The following GABRA3 variants were observed in gnomAD, a reference collection of about 807,000 sequenced individuals.
GABRA3 encodes the protein gamma-aminobutyric acid receptor subunit alpha-3.
GABRA3 carries 10 observed loss-of-function variants against 30.1 expected under a neutral mutation model. That is an observed-to-expected ratio of 0.33 (90% CI 0.20 to 0.56). GABRA3 has a LOEUF of 0.56. GABRA3 is among the 20% of genes least tolerant of loss of function. The pLI, the probability that GABRA3 is intolerant of heterozygous loss-of-function variation, is 0.89. For missense variants in GABRA3, 233 were observed against 392.0 expected (o/e 0.59, Z 3.42); for synonymous variants, 151 against 146.8 (o/e 1.03, Z -0.21).
chrX:152,241,575 T>A (rs1938372794), intron 5 of GABRA3, among the ~76,000 whole-genome samples: 1 of 109,393 alleles, frequency 9.1e-6, no homozygotes, highest in Admixed American at 9.6e-5. Context: ...TAAGCAAGCC[T>A]GGGCAATGGC....
intron 4 of GABRA3, among the ~76,000 whole-genome samples, chrX:152,276,736 G>A (rs750952872): frequency 9.9e-5 from 11 of 111,493 alleles, no homozygotes; most frequent in South Asian, 3.7e-4. Flanking sequence ...TTTTTAATAC[G>A]TGGTAAAAAA....
At chrX:152,444,732 G>GGTTTTTTTTTTTTT (rs1931019495) in intron 1 of GABRA3, among the ~76,000 whole-genome samples, 2 of 23,231 alleles carry the variant, frequency 8.6e-5, no homozygotes, top group Non-Finnish European at 1.5e-4. Context: ...TAATACTTGT[G>GGTTTTTTTTTTTTT]TGTTTTTTTT....
chrX:152,222,769 G>A (rs756148071), intron 6 of GABRA3, among the ~76,000 whole-genome samples: 6 of 110,087 alleles, frequency 5.5e-5, no homozygotes, highest in Non-Finnish European at 1.1e-4. Flanking sequence ...GACTTGTGCT[G>A]GGTTATAGTT....
chrX:152,241,391 A>G (rs1938366088), intron 5 of GABRA3, among the ~76,000 whole-genome samples: 2 of 101,968 alleles, frequency 2.0e-5, no homozygotes, highest in Non-Finnish European at 4.2e-5. Context: ...TGCTGGGAGA[A>G]CCACTGCTCT....
intron 8 of GABRA3, among the ~76,000 whole-genome samples, chrX:152,196,431 AAAGG>A (rs371088098): frequency 1.6e-4 from 17 of 108,698 alleles, no homozygotes; most frequent in Admixed American, 3.0e-4. Flanking sequence ...AGAAAGAAAG[AAAGG>A]AAGGAAGGAA....
intron 6 of GABRA3, among the ~76,000 whole-genome samples, chrX:152,221,153 C>T (rs1020287420): frequency 9.0e-6 from 1 of 111,257 alleles, no homozygotes; most frequent in Non-Finnish European, 1.9e-5. Context: ...TAGTCTATGT[C>T]CTGTGTAAGC....
intron 4 of GABRA3, among the ~76,000 whole-genome samples, chrX:152,264,293 A>C (rs776223289): frequency 8.9e-6 from 1 of 112,000 alleles, no homozygotes; most frequent in South Asian, 3.7e-4. Flanking sequence ...AGACATAGAC[A>C]GTAGAATAAG....
At chrX:152,262,211 G>A (rs1355747660) in intron 4 of GABRA3, among the ~76,000 whole-genome samples, 1 of 112,303 alleles carries the variant, frequency 8.9e-6, no homozygotes. Flanking sequence ...TAGGCCTCTG[G>A]GCCTGTGATG....
chrX:152,294,919 T>C (rs1022890591), intron 3 of GABRA3, among the ~76,000 whole-genome samples: 7 of 108,793 alleles, frequency 6.4e-5, no homozygotes, highest in Admixed American at 4.8e-4. Context: ...TGCAGGTCTG[T>C]TGGAGTTTGC....
intron 6 of GABRA3, among the ~76,000 whole-genome samples, chrX:152,212,478 G>A (rs950811161): frequency 3.6e-5 from 4 of 109,904 alleles, no homozygotes; most frequent in African/African-American, 1.3e-4. Context: ...GTGTACACAC[G>A]AGTTGTGGAC....
At chrX:152,378,361 T>C (rs1929052034) in intron 1 of GABRA3, among the ~76,000 whole-genome samples, 1 of 111,843 alleles carries the variant, frequency 8.9e-6, no homozygotes, top group Admixed American at 9.5e-5. Flanking sequence ...GTTTAAAATA[T>C]CTGCAGAGTA....
At chrX:152,402,273 A>G (rs1293956311) in intron 1 of GABRA3, among the ~76,000 whole-genome samples, 2 of 112,006 alleles carry the variant, frequency 1.8e-5, no homozygotes, top group African/African-American at 3.3e-5. Context: ...CAACGCCTTA[A>G]GCCAATGCTT....
chrX:152,199,796 C>G (rs982869985), intron 7 of GABRA3, among the ~76,000 whole-genome samples: 9 of 110,279 alleles, frequency 8.2e-5, no homozygotes, highest in African/African-American at 6.6e-5. Flanking sequence ...CTGTTGCTCT[C>G]TCTCTCACTT....
At chrX:152,420,559 A>C (rs190904383) in intron 1 of GABRA3, among the ~76,000 whole-genome samples, 37 of 111,570 alleles carry the variant, frequency 3.3e-4, no homozygotes, top group African/African-American at 1.2e-3. Flanking sequence ...TTCCCAAATT[A>C]GAACACTACA....
chrX:152,313,854 T>G (rs1296067282), intron 3 of GABRA3, among the ~76,000 whole-genome samples: 1 of 111,407 alleles, frequency 9.0e-6, no homozygotes, highest in Admixed American at 9.6e-5. Context: ...GTGTCTTTCC[T>G]TTCGATAAGT....
intron 3 of GABRA3, among the ~76,000 whole-genome samples, chrX:152,305,867 A>G (rs986038727): frequency 1.8e-5 from 2 of 111,906 alleles, no homozygotes; most frequent in African/African-American, 6.5e-5. Flanking sequence ...TGTTCTATGA[A>G]TATATGGAAG....
intron 1 of GABRA3, among the ~76,000 whole-genome samples, chrX:152,368,927 G>A (rs1384484500): frequency 9.0e-6 from 1 of 110,537 alleles, no homozygotes; most frequent in East Asian, 2.9e-4. Context: ...GGATTGTCTC[G>A]ATCTCCTGAC....
intron 3 of GABRA3, among the ~76,000 whole-genome samples, chrX:152,317,909 T>A (rs751305911): frequency 4.5e-5 from 5 of 110,018 alleles, no homozygotes; most frequent in African/African-American, 1.6e-4. Context: ...ACCTCAAGGA[T>A]CCAGAGAAAT....
intron 3 of GABRA3, among the ~76,000 whole-genome samples, chrX:152,310,275 C>A (rs780455152): frequency 8.9e-6 from 1 of 112,112 alleles, no homozygotes; most frequent in African/African-American, 3.2e-5. Context: ...TGACACTTAA[C>A]CAAATGGACT....
Sources: allele counts gnomAD v4.1 joint callset (sites outside exome capture counted in the v4.1 genomes callset), GRCh38; gene constraint gnomAD v4.1.1; transcripts MANE v1.5; gene names NCBI Gene and HGNC (gene_info 2026-07-23, HGNC 2026-07-21).